NANS: variants seen among roughly 807,000 people sequenced by gnomAD.
NANS encodes N-acetylneuraminate-9-phosphate synthase.
A neutral mutation model predicts 33.3 loss-of-function variants in NANS; 29 were observed. The ratio of observed to expected loss-of-function variants is 0.87; its 90% confidence interval spans 0.65 to 1.19. The LOEUF is 1.19. Among genes scored for constraint, NANS ranks in the 50% most tolerant of loss-of-function variants. NANS has a pLI of 0.00. For missense variants in NANS, 394 were observed against 461.1 expected, an observed-to-expected ratio of 0.85 and a Z score of 1.33; for synonymous variants, 163 against 177.2, an observed-to-expected ratio of 0.92 and a Z score of 0.64.
At chr9:98,057,902 GTTT>G (rs60923228) in intron 1 of NANS, among the ~76,000 whole-genome samples, 1 of 93,230 alleles carries the variant, frequency 1.1e-5, no homozygotes, top group Non-Finnish European at 2.0e-5. Flanking sequence ...TTCTCTTACT[GTTT>G]TTTTTTTTTT....
chr9:98,067,301 C>T (rs1364836762), intron 2 of NANS, among the ~76,000 whole-genome samples: 3 of 152,130 alleles, frequency 2.0e-5, no homozygotes, highest in Admixed American at 2.0e-4. Context: ...CACCTGGTAA[C>T]TCTATGTTTA....
At chr9:98,070,738 T>C (rs1441755263) in intron 2 of NANS, among the ~76,000 whole-genome samples, 1 of 151,526 alleles carries the variant, frequency 6.6e-6, no homozygotes, top group African/African-American at 2.4e-5. Context: ...AATTTTTAAT[T>C]CAGCAAATAC....
At chr9:98,061,348 G>A (rs9969738) in intron 2 of NANS, 50,377 of 240,136 alleles carry the variant, frequency 0.21, 5,811 homozygotes, top group Admixed American at 0.27. Flanking sequence ...ATGGTGGTGC[G>A]TGCCTGTAAT....
intron 2 of NANS, among the ~76,000 whole-genome samples, chr9:98,066,218 T>A (rs1296323015): frequency 2.0e-5 from 3 of 152,164 alleles, no homozygotes; most frequent in Non-Finnish European, 4.4e-5. Context: ...TAATGAGAAG[T>A]ATATGAAGGC....
At chr9:98,082,403 A>G (rs913920126) in intron 5 of NANS, among the ~76,000 whole-genome samples, 3 of 152,154 alleles carry the variant, frequency 2.0e-5, no homozygotes, top group Non-Finnish European at 4.4e-5. Flanking sequence ...CAGTTTCCCC[A>G]TGTTTACAAT....
At chr9:98,065,471 C>G (rs189092054) in intron 2 of NANS, among the ~76,000 whole-genome samples, 10 of 146,434 alleles carry the variant, frequency 6.8e-5, no homozygotes, top group African/African-American at 2.5e-4. Context: ...CGTCCACCAC[C>G]ATGCCCAGCT....
rs1366347019 is a variant in NANS at position 98,056,772 on chromosome 9, A to G, written c.-37A>G. On this transcript the variant is annotated 5_prime_UTR_variant, in exon 1 of 6. Coordinates refer to ENST00000210444, the MANE Select transcript of NANS (RefSeq NM_018946.4). ...GGCGGCGGCGGCGGCGGCCGGACCC[A>G]GACTGGTAGTGAGGCTTTGGACCCC... 14 of 1,603,374 alleles carry G rather than the reference A, an allele frequency of 8.7e-6. No homozygotes were observed. The highest frequency in any genetic ancestry group is 2.3e-5 in the East Asian group (1 of 44,396).
Position 98,056,886 on chromosome 9 carries a change from C to A in NANS, c.78C>A (p.Gly26=). ...QHPCFIIAEI[G]QNHQGDLDVA... is the part of the protein sequence containing the mutation. ...CGTGCTTCATCATTGCCGAGATCGG[C>A]CAGAACCACCAGGGCGACCTGGACG... Residue 26 remains glycine, a synonymous_variant, in exon 1 of 6, where the codon GGC becomes GGA. Transcript: ENST00000210444. 1.2e-6 allele frequency: 2 copies of A among 1,611,278 alleles called. No individual in the cohort carries two copies. Among genetic ancestry groups the A allele is most frequent in the Non-Finnish European group, 1.7e-6 (2 of 1,178,998 alleles).
At chr9:98,065,244 A>T (rs1298556009) in intron 2 of NANS, among the ~76,000 whole-genome samples, 1 of 151,372 alleles carries the variant, frequency 6.6e-6, no homozygotes, top group Non-Finnish European at 1.5e-5. Context: ...TTCAACAGAG[A>T]ATTACAATGT....
chr9:98,071,508 A>G (rs1235166040), intron 2 of NANS, among the ~76,000 whole-genome samples: 1 of 152,210 alleles, frequency 6.6e-6, no homozygotes, highest in African/African-American at 2.4e-5. Flanking sequence ...ATTAAATGTG[A>G]TCGTTAATAT....
intron 2 of NANS, among the ~76,000 whole-genome samples, chr9:98,064,199 G>A (rs1425110050): frequency 6.6e-6 from 1 of 152,120 alleles, no homozygotes; most frequent in Non-Finnish European, 1.5e-5. Context: ...TTAATTCACA[G>A]CATTCGTACG....
intron 2 of NANS, among the ~76,000 whole-genome samples, chr9:98,065,330 G>GA (rs1390934021): frequency 3.0e-5 from 1 of 33,554 alleles, no homozygotes; most frequent in Non-Finnish European, 5.6e-5. Flanking sequence ...TTTTTTTTTT[G>GA]AAACAGAGTT....
intron 2 of NANS, among the ~76,000 whole-genome samples, chr9:98,061,792 A>T (rs1828991373): frequency 6.6e-6 from 1 of 151,220 alleles, no homozygotes; most frequent in Admixed American, 6.6e-5. Flanking sequence ...AAAAAAAAAA[A>T]TTAATAATAA....
chr9:98,063,839 A>G (rs779785371), intron 2 of NANS, among the ~76,000 whole-genome samples: 7 of 150,686 alleles, frequency 4.6e-5, no homozygotes, highest in South Asian at 4.2e-4. Context: ...CACTGCACCC[A>G]GCCTGTTTTT....
chr9:98,064,444 T>A (rs1430714681), intron 2 of NANS, among the ~76,000 whole-genome samples: 2 of 152,024 alleles, frequency 1.3e-5, no homozygotes, highest in Non-Finnish European at 2.9e-5. Flanking sequence ...TTAGTAGAGA[T>A]GGGGTTTCAC....
chr9:98,073,270 GCTTTTTTT>G (rs1467341534), intron 2 of NANS, among the ~76,000 whole-genome samples: 2 of 105,000 alleles, frequency 1.9e-5, no homozygotes, highest in African/African-American at 3.7e-5. Flanking sequence ...ATCACCATGG[GCTTTTTTT>G]TTTTTTTTTT....
intron 2 of NANS, among the ~76,000 whole-genome samples, chr9:98,067,134 A>G (rs1829171945): frequency 6.6e-6 from 1 of 152,056 alleles, no homozygotes; most frequent in Admixed American, 6.6e-5. Flanking sequence ...TGGCTATACT[A>G]CATTTTATTT....
chr9:98,082,895 T>TAAC lies in NANS; in HGVS notation c.923_925dup (p.Thr308dup), dbSNP rs750119071. On this transcript the variant is annotated inframe_insertion, in exon 6 of 6. Transcript: ENST00000210444. ...GTGAAAATTCCGGAAGGCACCATTCTAACAATGGACATGCTCACCGTGAAG... is the reference window on the plus strand; with the variant it reads ...GTGAAAATTCCGGAAGGCACCATTCTAACAACAATGGACATGCTCACCGTGAAG... 10 of 1,614,162 alleles carry TAAC rather than the reference T, an allele frequency of 6.2e-6. No individual in the cohort carries two copies. The highest frequency in any genetic ancestry group is 8.5e-6 in the Non-Finnish European group (10 of 1,180,024).
intron 1 of NANS, among the ~76,000 whole-genome samples, chr9:98,060,541 G>T (rs1044233418): frequency 2.0e-5 from 3 of 152,126 alleles, no homozygotes; most frequent in Non-Finnish European, 4.4e-5. Context: ...GTCGTGGTGG[G>T]TGCCTGTAAT....
Sources: allele counts gnomAD v4.1 joint callset (sites outside exome capture counted in the v4.1 genomes callset), GRCh38; gene constraint gnomAD v4.1.1; transcripts MANE v1.5; gene names NCBI Gene and HGNC (gene_info 2026-07-23, HGNC 2026-07-21).